The following ANO2 variants were observed in gnomAD, a reference collection of about 807,000 sequenced individuals.
ANO2 encodes anoctamin-2.
A neutral mutation model predicts 124.2 loss-of-function variants in ANO2; 101 were observed. The ratio of observed to expected loss-of-function variants is 0.81; its 90% CI spans 0.69 to 0.96. ANO2 has a LOEUF of 0.96. ANO2 is among the 40% of genes least tolerant of loss of function. The pLI, the probability that ANO2 is intolerant of heterozygous loss-of-function variation, is 0.00. For synonymous variants in ANO2, 486 were observed against 482.5 expected (o/e 1.01, Z -0.09); for missense variants, 1,293 against 1,274.5 (o/e 1.01, Z -0.22).
chr12:5,846,580 G>A (rs1324944194), intron 4 of ANO2, among the ~76,000 whole-genome samples: 1 of 152,220 alleles, frequency 6.6e-6, no homozygotes, highest in East Asian at 1.9e-4. Context: ...TCACAGTTGT[G>A]AAGGTCACAA....
chr12:5,931,143 T>C (rs1484168804), intron 1 of ANO2, among the ~76,000 whole-genome samples: 1 of 152,208 alleles, frequency 6.6e-6, no homozygotes, highest in Non-Finnish European at 1.5e-5. Flanking sequence ...CCTACTCTTC[T>C]TAGGATGAAG....
intron 6 of ANO2, among the ~76,000 whole-genome samples, chr12:5,828,775 C>T (rs1180396149): frequency 2.6e-5 from 4 of 152,182 alleles, no homozygotes; most frequent in African/African-American, 7.2e-5. Flanking sequence ...TGCTGGCCAA[C>T]GAGTGACCTC....
chr12:5,829,798 T>G lies in ANO2; in HGVS notation c.840+637A>C, dbSNP rs146590199. ...GAAACACAGGCCATATGCAGATTTT[T>G]ATTAGAACCAATCATCCTACAAAAT... On this transcript the variant is annotated intron_variant, in intron 6 of 24. Transcript: ENST00000682330. 3.9e-4 allele frequency among the ~76,000 whole-genome samples: 59 copies of G among 152,306 alleles called. No homozygotes were observed. The East Asian group carries it at 0.011, about 29-fold the overall frequency.
chr12:5,694,755 T>C (rs1565577641), intron 14 of ANO2, among the ~76,000 whole-genome samples: 1 of 152,262 alleles, frequency 6.6e-6, no homozygotes, highest in East Asian at 1.9e-4. Context: ...TGTTTGTTTG[T>C]TTGTTTTTTA....
In ANO2 at chr12:5,908,373, C is replaced by A. The variant is rs1236514104; in HGVS notation, c.534+12667G>T. On this transcript the variant is annotated intron_variant, in intron 3 of 24. Transcript: ENST00000682330. The surrounding 1 kb of genome is among the most constrained non-coding windows in gnomAD (Gnocchi z 4.7). ...ACGGTCAAACAGACCTCAGCCCTTACCACCTGAGAATAATCAATTCCTGAG... is the reference window on the plus strand; with the variant it reads ...ACGGTCAAACAGACCTCAGCCCTTAACACCTGAGAATAATCAATTCCTGAG... 6.6e-6 allele frequency among the ~76,000 whole-genome samples: 1 copy of A among 152,354 alleles called. No individual in the cohort carries two copies. Among genetic ancestry groups the A allele is most frequent in the East Asian group, 1.9e-4 (1 of 5,178 alleles).
chr12:5,647,443 G>A (rs1016457070), intron 15 of ANO2, among the ~76,000 whole-genome samples: 1 of 152,182 alleles, frequency 6.6e-6, no homozygotes, highest in Admixed American at 6.5e-5. Flanking sequence ...AGCCCAAACA[G>A]GCTGCTGCAA....
intron 3 of ANO2, among the ~76,000 whole-genome samples, chr12:5,867,763 A>T (rs1239692670): frequency 7.8e-6 from 1 of 128,704 alleles, no homozygotes; most frequent in Non-Finnish European, 1.6e-5. Flanking sequence ...ACAGAAAAAG[A>T]CCTAGCACTA....
At chr12:5,770,452 C>T (rs1018983139) in intron 10 of ANO2, among the ~76,000 whole-genome samples, 29 of 152,170 alleles carry the variant, frequency 1.9e-4, no homozygotes, top group Admixed American at 1.5e-3. Flanking sequence ...TTTCATATTT[C>T]AGCATACAGA....
intron 14 of ANO2, among the ~76,000 whole-genome samples, chr12:5,698,704 A>G (rs1268035596): frequency 6.6e-6 from 1 of 152,214 alleles, no homozygotes; most frequent in Non-Finnish European, 1.5e-5. Flanking sequence ...TTGAAAAAAG[A>G]CTAGACGAAT....
At chr12:5,867,881 T>A (rs1488615067) in intron 3 of ANO2, among the ~76,000 whole-genome samples, 1 of 150,698 alleles carries the variant, frequency 6.6e-6, no homozygotes, top group Non-Finnish European at 1.5e-5. Flanking sequence ...AAATAATCCT[T>A]TAAGAGTAAA....
At chr12:5,599,382 C>G in intron 20 of ANO2, 102 bp downstream of exon 20, 2 of 1,357,958 alleles carry the variant, frequency 1.5e-6, no homozygotes, top group Non-Finnish European at 2.0e-6. Context: ...GAAGCAGAGG[C>G]TGTCCCAGTC....
At chr12:5,939,801 C>T (rs1565798291) in intron 1 of ANO2, among the ~76,000 whole-genome samples, 1 of 152,160 alleles carries the variant, frequency 6.6e-6, no homozygotes, top group Non-Finnish European at 1.5e-5. Flanking sequence ...AGTGTCATAA[C>T]TAACTGTAAG....
Position 5,921,133 on chromosome 12 carries a change from C to A in ANO2, c.441G>T (p.Pro147=), listed in dbSNP as rs370672873. Residue 147 remains proline (P), a synonymous_variant, in exon 3 of 25, where the codon CCG becomes CCT. Coordinates refer to ENST00000682330, the MANE Select transcript of ANO2 (RefSeq NM_001364791.2). ...AGGPGDIELG[P]LDALEEERKE... ...TCCTCTCCTCCTCCAGGGCATCGAG[C>A]GGTCCCAGCTCAATGTCACCTGGGC... is the stretch of plus-strand genomic sequence containing the variant. The A allele has an allele frequency of 1.2e-6, 2 of 1,613,872 alleles. No individual in the cohort carries two copies. The highest frequency in any genetic ancestry group is 2.7e-5 in the African/African-American group (2 of 74,928).
At chr12:5,571,314 A>G (rs1942102652) in intron 23 of ANO2, among the ~76,000 whole-genome samples, 1 of 152,202 alleles carries the variant, frequency 6.6e-6, no homozygotes, top group Admixed American at 6.5e-5. Context: ...ATGTCACGGG[A>G]CTGTTTACGG....
chr12:5,697,648 G>A (rs990100207), intron 14 of ANO2, among the ~76,000 whole-genome samples: 10 of 152,296 alleles, frequency 6.6e-5, no homozygotes, highest in Non-Finnish European at 1.3e-4. Context: ...AGCCAAAGCA[G>A]GGCGAGGCAT....
intron 14 of ANO2, among the ~76,000 whole-genome samples, chr12:5,685,410 A>G (rs1342443364): frequency 6.6e-6 from 1 of 152,226 alleles, no homozygotes; most frequent in Non-Finnish European, 1.5e-5. Flanking sequence ...CCTCCCAGTC[A>G]GATCAAGTCC....
chr12:5,727,045 T>A (rs1441332041), intron 14 of ANO2, among the ~76,000 whole-genome samples: 1 of 152,172 alleles, frequency 6.6e-6, no homozygotes, highest in Non-Finnish European at 1.5e-5. Flanking sequence ...ACATGAGATG[T>A]GAATTGTTTT....
At chr12:5,728,129 ACAG>A (rs1950514858) in intron 14 of ANO2, among the ~76,000 whole-genome samples, 2 of 152,182 alleles carry the variant, frequency 1.3e-5, no homozygotes, top group South Asian at 4.1e-4. Flanking sequence ...TCAGCATTGT[ACAG>A]GAGATTCCAA....
rs368770009 is a variant in ANO2 at position 5,563,430 on chromosome 12, T to C, written c.2866A>G (p.Met956Val). 86 of 1,613,234 alleles carry C rather than the reference T, an allele frequency of 5.3e-5. No homozygotes were observed. The African/African-American group carries it at 9.9e-4, about 19-fold the overall frequency. Residue 956 changes from methionine to valine, a missense_variant, in exon 25 of 25, where the codon ATG (methionine) becomes GTG (valine). Transcript: ENST00000682330. Reference protein sequence around the residue: ...LKEEHEKLKLMDEPALRSPGG... With the variant: ...LKEEHEKLKLVDEPALRSPGG... ...GGGCTCCTCAGAGCCGGCTCATCCA[T>C]CAGCTTGAGCTTCTCATGCTCCTCT...
Sources: gnomAD v4.1 joint callset for allele counts (sites outside exome capture counted in the v4.1 genomes callset) on GRCh38, gnomAD v4.1.1 for gene constraint, Gnocchi (gnomAD v3.1) non-coding constraint, MANE v1.5 for transcripts, NCBI Gene and HGNC (gene_info 2026-07-23, HGNC 2026-07-21) for gene names.